GLI3: variants seen among roughly 807,000 people sequenced by gnomAD.
GLI3 encodes transcription activator GLI3.
Under a neutral mutation model 100.8 loss-of-function variants are expected in GLI3, and 20 were observed. That is an observed-to-expected ratio of 0.20 (90% CI 0.14 to 0.29). The LOEUF (loss-of-function observed/expected upper bound fraction) is 0.29. Among genes scored for constraint, GLI3 ranks in the 10% least tolerant of loss-of-function variants. GLI3 has a pLI of 1.00. For synonymous variants in GLI3, 938 were observed against 860.5 expected (o/e 1.09, Z -1.58); for missense variants, 2,040 against 2,128.5 (o/e 0.96, Z 0.82).
At chr7:42,194,575 T>C (rs1787889257) in intron 2 of GLI3, among the ~76,000 whole-genome samples, 1 of 152,104 alleles carries the variant, frequency 6.6e-6, no homozygotes, top group South Asian at 2.1e-4. Context: ...TTTGGGGTCA[T>C]CATTGTCTCT....
intron 2 of GLI3, among the ~76,000 whole-genome samples, chr7:42,195,442 G>A (rs7802798): frequency 0.12 from 18,636 of 152,064 alleles, 1,509 homozygotes; most frequent in Non-Finnish European, 0.18. Flanking sequence ...CAACAACCCC[G>A]TTTGTCTGGA....
chr7:42,238,089 C>T (rs1005316697), upstream of GLI3, among the ~76,000 whole-genome samples: 12 of 151,132 alleles, frequency 7.9e-5, no homozygotes, highest in Non-Finnish European at 1.5e-5. Context: ...ATGCCTGCTC[C>T]TCCTCTTCCC....
chr7:42,252,112 G>C (rs1271848484), intron 1 of GLI3, among the ~76,000 whole-genome samples: 1 of 152,184 alleles, frequency 6.6e-6, no homozygotes, highest in Admixed American at 6.5e-5. Context: ...ATCAAGGATA[G>C]ACTGGGTAAA....
At chr7:42,048,427 T>C in intron 5 of GLI3, 64 bp downstream of exon 5, 1 of 1,080,376 alleles carries the variant, frequency 9.3e-7, no homozygotes, top group Non-Finnish European at 1.4e-6. Context: ...TTTATACACG[T>C]CCCGAGTGAG....
intron 1 of GLI3, among the ~76,000 whole-genome samples, chr7:42,246,723 C>G (rs1788977970): frequency 6.6e-6 from 1 of 151,308 alleles, no homozygotes; most frequent in African/African-American, 2.4e-5. Context: ...TTATGGCAGT[C>G]CCAAAACTGT....
chr7:42,026,437 C>T (rs765244680), intron 7 of GLI3, 25 bp from the exon 8 acceptor site: 23 of 1,562,938 alleles, frequency 1.5e-5, no homozygotes, highest in Admixed American at 3.4e-5. Flanking sequence ...TAAAAAAAGA[C>T]GATCATCACT....
In GLI3 at chr7:42,014,460, TTA is replaced by T. The variant is rs560695962; in HGVS notation, c.1497+9006_1497+9007del. ...CCAAAAACCTCAGTCTTTTATTATA[TTA>T]GCTATAATCATAGATAAAATTTTCC... is the stretch of plus-strand genomic sequence containing the variant. On this transcript the variant is annotated intron_variant, in intron 10 of 14. Transcript: ENST00000395925. Among the ~76,000 whole-genome samples, 332 of 152,358 alleles carry T rather than the reference TTA, an allele frequency of 2.2e-3. 1 individual carries two copies. Among genetic ancestry groups the T allele is most frequent in the African/African-American group, 7.6e-3 (317 of 41,588 alleles).
At chr7:42,176,590 G>A (rs1787485320) in intron 2 of GLI3, among the ~76,000 whole-genome samples, 1 of 152,246 alleles carries the variant, frequency 6.6e-6, no homozygotes, top group South Asian at 2.1e-4. Context: ...AGAACAATCT[G>A]CTTCCTCATC....
intron 2 of GLI3, among the ~76,000 whole-genome samples, chr7:42,204,352 C>G (rs747077450): frequency 3.3e-5 from 5 of 152,046 alleles, no homozygotes; most frequent in Admixed American, 2.0e-4. Flanking sequence ...ATGCCTTTCT[C>G]CAGCCCCCAG....
Position 42,203,145 on chromosome 7 carries a change from A to G in GLI3, c.124+19985T>C, listed in dbSNP as rs369864960. ...AAAAATTGTGTGTATTTATTTAAAC[A>G]TGATGTTTGAAGTATACATACACAC... On this transcript the variant is annotated intron_variant, in intron 2 of 14. Coordinates refer to ENST00000395925, the MANE Select transcript of GLI3 (RefSeq NM_000168.6). Among the ~76,000 whole-genome samples, 76 of 152,362 alleles carry G rather than the reference A, an allele frequency of 5.0e-4. 1 individual carries two copies. Among genetic ancestry groups the G allele is most frequent in the Middle Eastern group, 3.4e-3 (1 of 294 alleles).
intron 10 of GLI3, among the ~76,000 whole-genome samples, chr7:42,002,051 G>T (rs992675599): frequency 6.7e-6 from 1 of 148,604 alleles, no homozygotes; most frequent in East Asian, 2.0e-4. Flanking sequence ...GGAAAACATG[G>T]CAAGACACAC....
upstream of GLI3, among the ~76,000 whole-genome samples, chr7:42,238,324 T>C (rs894561235): frequency 9.2e-5 from 14 of 152,118 alleles, no homozygotes; most frequent in Non-Finnish European, 1.8e-4. Flanking sequence ...CTCCCCTTTA[T>C]TCTTTTAAGG....
intron 2 of GLI3, among the ~76,000 whole-genome samples, chr7:42,187,990 G>A (rs370771185): frequency 1.3e-5 from 1 of 77,762 alleles, no homozygotes; most frequent in Middle Eastern, 0.011. Context: ...GCGACAGAGT[G>A]AGACTCCATC....
At chr7:41,991,507 C>A (rs538037794) in intron 10 of GLI3, among the ~76,000 whole-genome samples, 2 of 152,204 alleles carry the variant, frequency 1.3e-5, no homozygotes, top group Non-Finnish European at 1.5e-5. Context: ...TCTCCATACA[C>A]GCAATATGAG....
chr7:42,044,253 C>T (rs1784200196), intron 6 of GLI3, among the ~76,000 whole-genome samples: 1 of 152,210 alleles, frequency 6.6e-6, no homozygotes, highest in Admixed American at 6.5e-5. Flanking sequence ...GAAAAACAAA[C>T]AAAACGCTAA....
chr7:42,138,834 C>T (rs73325689), intron 3 of GLI3, among the ~76,000 whole-genome samples: 2 of 152,304 alleles, frequency 1.3e-5, no homozygotes, highest in East Asian at 1.9e-4. Flanking sequence ...CAGTGGACGA[C>T]GTAAACACCC....
At chr7:42,091,306 C>T (rs981789414) in intron 3 of GLI3, among the ~76,000 whole-genome samples, 3 of 152,234 alleles carry the variant, frequency 2.0e-5, no homozygotes, top group Admixed American at 6.5e-5. Flanking sequence ...GGTGATTGCA[C>T]ACATCCTGCC....
At chr7:41,985,965 G>T (rs1309364911) in intron 10 of GLI3, among the ~76,000 whole-genome samples, 1 of 152,164 alleles carries the variant, frequency 6.6e-6, no homozygotes, top group Non-Finnish European at 1.5e-5. Flanking sequence ...AACAGCCTCT[G>T]CTGTGGGAGG....
rs200965295 is a variant in GLI3 at position 42,040,130 on chromosome 7, C to T, written c.936G>A (p.Thr312=). The part of the protein sequence containing the change: ...HSFDLQTMIR[T]SPNSLVTILN... ...GAATCGTGACCAAGGAGTTGGGAGACGTCCTTATCATGGTCTGAAGGTCAA... is the reference window on the plus strand; with the variant it reads ...GAATCGTGACCAAGGAGTTGGGAGATGTCCTTATCATGGTCTGAAGGTCAA... The change falls in exon 7 of 15, where the codon ACG becomes ACA. Residue 312 remains threonine, a synonymous_variant. Transcript: ENST00000395925. 71 of 1,613,684 alleles carry T rather than the reference C, an allele frequency of 4.4e-5. No homozygotes were observed. Among genetic ancestry groups the T allele is most frequent in the African/African-American group, 1.6e-4 (12 of 74,920 alleles).
Sources: allele counts gnomAD v4.1 joint callset (sites outside exome capture counted in the v4.1 genomes callset), GRCh38; gene constraint gnomAD v4.1.1; transcripts MANE v1.5; gene names NCBI Gene and HGNC (gene_info 2026-07-23, HGNC 2026-07-21).